PRKN: variants seen among roughly 807,000 people sequenced by gnomAD.
PRKN encodes the protein E3 ubiquitin-protein ligase parkin.
PRKN carries 56 observed loss-of-function variants against 59.5 expected under a neutral mutation model. The ratio of observed to expected loss-of-function variants is 0.94; its 90% CI spans 0.76 to 1.18. PRKN has a LOEUF of 1.18. PRKN is among the 50% of genes most tolerant of loss of function. The probability of loss-of-function intolerance (pLI) is 0.00; values close to 1 mark genes in which losing one functional copy is unlikely to be tolerated. For synonymous variants in PRKN, 250 were observed against 222.1 expected (o/e 1.13, Z -1.12); for missense variants, 657 against 596.4 (o/e 1.10, Z -1.06).
chr6:161,874,519 ATAT>A (rs1481652516), intron 6 of PRKN, among the ~76,000 whole-genome samples: 1 of 109,330 alleles, frequency 9.1e-6, no homozygotes, highest in Non-Finnish European at 1.6e-5. Context: ...TGTAAAATAT[ATAT>A]TATATGTAAA....
At chr6:162,033,064 C>T (rs531309438) in intron 5 of PRKN, among the ~76,000 whole-genome samples, 1 of 152,302 alleles carries the variant, frequency 6.6e-6, no homozygotes, top group South Asian at 2.1e-4. Flanking sequence ...CTTTCTGCCT[C>T]TTTTATTCCA....
At chr6:162,351,188 T>C (rs1055915865) in intron 2 of PRKN, among the ~76,000 whole-genome samples, 5 of 151,736 alleles carry the variant, frequency 3.3e-5, no homozygotes, top group African/African-American at 1.2e-4. Context: ...GAGTCTACGT[T>C]TCCAAAAATA....
intron 4 of PRKN, among the ~76,000 whole-genome samples, chr6:162,074,575 CGTAT>C (rs1307073377): frequency 6.6e-6 from 1 of 151,506 alleles, no homozygotes; most frequent in Non-Finnish European, 1.5e-5. Flanking sequence ...CACATGTATA[CGTAT>C]GTAACTAACC....
chr6:162,042,782 T>C (rs946496077), intron 5 of PRKN, among the ~76,000 whole-genome samples: 1 of 152,224 alleles, frequency 6.6e-6, no homozygotes, highest in African/African-American at 2.4e-5. Context: ...AATTGCTTAA[T>C]ATAAAATTAC....
chr6:162,330,948 C>T (rs1044852420), intron 2 of PRKN, among the ~76,000 whole-genome samples: 2 of 152,152 alleles, frequency 1.3e-5, no homozygotes, highest in African/African-American at 4.8e-5. Flanking sequence ...CCCAGGGGTC[C>T]TTCACTTACA....
intron 1 of PRKN, among the ~76,000 whole-genome samples, chr6:162,579,884 T>A (rs781319826): frequency 6.6e-6 from 1 of 152,324 alleles, no homozygotes; most frequent in Non-Finnish European, 1.5e-5. Flanking sequence ...TGGAATGCCC[T>A]GTTTGCATGC....
intron 6 of PRKN, among the ~76,000 whole-genome samples, chr6:161,888,600 C>A (rs1472925746): frequency 6.6e-6 from 1 of 152,122 alleles, no homozygotes; most frequent in Admixed American, 6.5e-5. Flanking sequence ...TACATTTTTT[C>A]CGGTTGATTT....
chr6:162,051,417 C>T (rs969147941), intron 5 of PRKN, among the ~76,000 whole-genome samples: 19 of 152,162 alleles, frequency 1.2e-4, no homozygotes, highest in African/African-American at 3.1e-4. Flanking sequence ...GCAAAGCCAG[C>T]GTGGGGGACT....
At chr6:162,014,113 C>T (rs1031996423) in intron 5 of PRKN, among the ~76,000 whole-genome samples, 3 of 152,130 alleles carry the variant, frequency 2.0e-5, no homozygotes, top group Non-Finnish European at 4.4e-5. Flanking sequence ...TACTCACCCC[C>T]CATCGGGAAA....
rs145135117 is a variant in PRKN, at chr6:161,360,115, G to A, written c.1258C>T (p.Arg420Cys). Residue 420 changes from arginine to cysteine, a missense_variant, in exon 11 of 12, where the codon CGC becomes TGC. Coordinates refer to ENST00000366898, the MANE Select transcript of PRKN (RefSeq NM_004562.3). The surrounding 1 kb of genome is among the most constrained non-coding windows in gnomAD (Gnocchi z 5.1). ...TTTTTTTCCACTGGTACATGGCAGC[G>A]GGGACAGGGCTTGGTGGTTTTCTTG... ...TIKKTTKPCP[R>C]CHVPVEKNGG... 24 of 1,613,870 alleles carry A rather than the reference G, an allele frequency of 1.5e-5. No homozygotes were observed. The highest frequency in any genetic ancestry group is 9.3e-5 in the African/African-American group (7 of 75,034).
intron 2 of PRKN, among the ~76,000 whole-genome samples, chr6:162,283,762 T>G (rs1781036780): frequency 6.6e-6 from 1 of 152,046 alleles, no homozygotes; most frequent in Non-Finnish European, 1.5e-5. Flanking sequence ...CTCAAGTGAT[T>G]CACCCACCTC....
intron 1 of PRKN, among the ~76,000 whole-genome samples, chr6:162,619,267 C>T (rs574224450): frequency 1.2e-3 from 188 of 151,758 alleles, no homozygotes; most frequent in African/African-American, 4.5e-3. Context: ...CTCGGCCTCC[C>T]GAGTAGCTGG....
At chr6:161,541,041 C>G (rs1324349650) in intron 9 of PRKN, among the ~76,000 whole-genome samples, 1 of 152,132 alleles carries the variant, frequency 6.6e-6, no homozygotes, top group Non-Finnish European at 1.5e-5. Context: ...CTGAATAGCT[C>G]AAAGTGCTTG....
chr6:162,308,116 A>G (rs1468616048), intron 2 of PRKN, among the ~76,000 whole-genome samples: 2 of 152,128 alleles, frequency 1.3e-5, no homozygotes, highest in Non-Finnish European at 2.9e-5. Flanking sequence ...CACTGCTACC[A>G]GGAACCGAGG....
chr6:162,220,167 A>C (rs1777867726), intron 3 of PRKN, among the ~76,000 whole-genome samples: 1 of 152,164 alleles, frequency 6.6e-6, no homozygotes, highest in Non-Finnish European at 1.5e-5. Context: ...ATCACCATAC[A>C]GAAAAATCAA....
chr6:162,171,210 A>G (rs1037381044), intron 4 of PRKN, among the ~76,000 whole-genome samples: 2 of 152,138 alleles, frequency 1.3e-5, no homozygotes, highest in Admixed American at 6.5e-5. Flanking sequence ...GTGCACACAG[A>G]AAAAAACGTA....
rs1342671422 is a variant in PRKN, at chr6:161,973,298, T to C, written c.734+4A>G. On this transcript the variant is annotated splice_donor_region_variant and intron_variant, in intron 6 of 11. Transcript: ENST00000366898. Reference sequence around the variant, plus strand: ...GGGAAGTGACACTATTTTTAGATCCTTACCTGACGTCTGTGCACGTAATGC... The same window carrying C: ...GGGAAGTGACACTATTTTTAGATCCCTACCTGACGTCTGTGCACGTAATGC... 1 of 1,593,528 alleles carries C rather than the reference T, an allele frequency of 6.3e-7. No individual in the cohort carries two copies. Among genetic ancestry groups the C allele is most frequent in the Non-Finnish European group, 8.6e-7 (1 of 1,161,182 alleles).
intron 7 of PRKN, among the ~76,000 whole-genome samples, chr6:161,622,005 T>C (rs907241294): frequency 2.0e-5 from 3 of 152,180 alleles, no homozygotes; most frequent in Non-Finnish European, 4.4e-5. Flanking sequence ...CCTTACCACG[T>C]GTATGCCGCC....
intron 1 of PRKN, among the ~76,000 whole-genome samples, chr6:162,716,390 A>G (rs1465247373): frequency 6.6e-6 from 1 of 152,228 alleles, no homozygotes; most frequent in East Asian, 1.9e-4. Context: ...ATTTTCAACC[A>G]ACCCATATTA....
Sources: allele counts gnomAD v4.1 joint callset (sites outside exome capture counted in the v4.1 genomes callset), GRCh38; gene constraint gnomAD v4.1.1; non-coding constraint Gnocchi (gnomAD v3.1); transcripts MANE v1.5; gene names NCBI Gene and HGNC (gene_info 2026-07-23, HGNC 2026-07-21).